B3GALT1: variants seen among roughly 807,000 people sequenced by gnomAD.
B3GALT1 encodes the protein beta-1,3-galactosyltransferase 1.
Under a neutral mutation model 23.2 loss-of-function variants are expected in B3GALT1, and 10 were observed. That is an observed-to-expected ratio of 0.43 (90% CI 0.27 to 0.73). B3GALT1 has a LOEUF of 0.73. Among genes scored for constraint, B3GALT1 ranks in the 30% least tolerant of loss-of-function variants. B3GALT1 has a pLI of 0.21. For missense variants in B3GALT1, 299 were observed against 405.4 expected (o/e 0.74, Z 2.25); for synonymous variants, 156 against 141.5 (o/e 1.10, Z -0.73).
intron 2 of B3GALT1, among the ~76,000 whole-genome samples, chr2:167,565,874 G>A (rs533296804): frequency 1.3e-5 from 2 of 152,020 alleles, no homozygotes; most frequent in Non-Finnish European, 2.9e-5. Context: ...AGGATGTGGA[G>A]AAATAGGAAC....
chr2:167,847,839 T>G (rs895144543), intron 4 of B3GALT1, among the ~76,000 whole-genome samples: 1 of 151,974 alleles, frequency 6.6e-6, no homozygotes, highest in Non-Finnish European at 1.5e-5. Context: ...TGATAGACTA[T>G]TAACAAGATT....
At chr2:167,477,340 C>T (rs924070004) in intron 1 of B3GALT1, among the ~76,000 whole-genome samples, 5 of 152,176 alleles carry the variant, frequency 3.3e-5, no homozygotes, top group African/African-American at 1.2e-4. Flanking sequence ...ATGCCACACC[C>T]TGTGCCTGGC....
At chr2:167,387,050 T>G (rs1697940302) in intron 1 of B3GALT1, among the ~76,000 whole-genome samples, 1 of 149,528 alleles carries the variant, frequency 6.7e-6, no homozygotes, top group African/African-American at 2.6e-5. Context: ...GTAAGGAAAC[T>G]GCCTTGGAAA....
At chr2:167,365,778 C>T (rs1235417850) in intron 1 of B3GALT1, among the ~76,000 whole-genome samples, 1 of 152,004 alleles carries the variant, frequency 6.6e-6, no homozygotes, top group Non-Finnish European at 1.5e-5. Context: ...GAAGACACAC[C>T]TACTGATACA....
At chr2:167,561,559 C>T (rs1408137953) in intron 2 of B3GALT1, among the ~76,000 whole-genome samples, 1 of 151,586 alleles carries the variant, frequency 6.6e-6, no homozygotes, top group Non-Finnish European at 1.5e-5. Context: ...AGACCGCTAG[C>T]AAGACTAATG....
At chr2:167,702,329 T>C (rs999915843) in intron 3 of B3GALT1, among the ~76,000 whole-genome samples, 44 of 152,254 alleles carry the variant, frequency 2.9e-4, no homozygotes, top group African/African-American at 1.1e-3. Flanking sequence ...ATATTATTCC[T>C]GCATTACATT....
At chr2:167,863,786 T>C (rs745552020) in intron 4 of B3GALT1, among the ~76,000 whole-genome samples, 1 of 152,212 alleles carries the variant, frequency 6.6e-6, no homozygotes, top group Non-Finnish European at 1.5e-5. Context: ...TGAGTTCTTA[T>C]TGTCCTTAGC....
chr2:167,716,218 C>T (rs1301034399), intron 3 of B3GALT1, among the ~76,000 whole-genome samples: 1 of 152,220 alleles, frequency 6.6e-6, no homozygotes, highest in Non-Finnish European at 1.5e-5. Flanking sequence ...CTGGGGAATG[C>T]GGGCACCCCC....
Position 167,626,968 on chromosome 2 carries a change from A to G in B3GALT1, c.-409-19941A>G, listed in dbSNP as rs115975838. ...AAACACAAAGCAATTATCACAGTGTATGTTTTCACATTTACACAGTGATTT... is the reference window on the plus strand; with the variant it reads ...AAACACAAAGCAATTATCACAGTGTGTGTTTTCACATTTACACAGTGATTT... On this transcript the variant is annotated intron_variant, in intron 2 of 4. Coordinates refer to ENST00000392690, the MANE Select transcript of B3GALT1 (RefSeq NM_020981.4). Among the ~76,000 whole-genome samples, 1,229 of 151,796 alleles carry G rather than the reference A, an allele frequency of 8.1e-3. 7 individuals carry two copies. The highest frequency in any genetic ancestry group is 0.017 in the South Asian group (80 of 4,818).
chr2:167,794,654 T>C (rs1688511879), intron 3 of B3GALT1, among the ~76,000 whole-genome samples: 1 of 152,346 alleles, frequency 6.6e-6, no homozygotes, highest in East Asian at 1.9e-4. Flanking sequence ...TTTGATGTAA[T>C]AGAAAGGTCA....
At chr2:167,634,950 A>G (rs573479129) in intron 2 of B3GALT1, among the ~76,000 whole-genome samples, 2 of 152,324 alleles carry the variant, frequency 1.3e-5, no homozygotes, top group Admixed American at 1.3e-4. Flanking sequence ...AAAATCCTGT[A>G]TAAAATACTG....
chr2:167,553,955 C>CA (rs1295822186), intron 2 of B3GALT1, among the ~76,000 whole-genome samples: 3 of 151,986 alleles, frequency 2.0e-5, no homozygotes, highest in East Asian at 1.9e-4. Flanking sequence ...GGCAAAATGT[C>CA]AAAAAAATAA....
At chr2:167,359,656 C>T (rs2105261836) in intron 1 of B3GALT1, among the ~76,000 whole-genome samples, 1 of 152,270 alleles carries the variant, frequency 6.6e-6, no homozygotes. Context: ...ATACTTAGCA[C>T]CTTTTTCTTT....
At chr2:167,625,034 C>T (rs946839652) in intron 2 of B3GALT1, among the ~76,000 whole-genome samples, 3 of 152,044 alleles carry the variant, frequency 2.0e-5, no homozygotes, top group South Asian at 2.1e-4. Flanking sequence ...GAGAATAAAT[C>T]TCAGGCATGC....
intron 1 of B3GALT1, among the ~76,000 whole-genome samples, chr2:167,470,980 T>G (rs1330602133): frequency 6.6e-6 from 1 of 152,188 alleles, no homozygotes; most frequent in Non-Finnish European, 1.5e-5. Flanking sequence ...AGCCTAATAT[T>G]TTGTTATGCT....
chr2:167,705,078 T>C (rs1686948018), intron 3 of B3GALT1, among the ~76,000 whole-genome samples: 1 of 152,194 alleles, frequency 6.6e-6, no homozygotes, highest in Admixed American at 6.5e-5. Flanking sequence ...TGTGACCTGC[T>C]TGTGTATTTG....
chr2:167,660,252 C>G (rs940855905), intron 3 of B3GALT1, among the ~76,000 whole-genome samples: 1 of 151,988 alleles, frequency 6.6e-6, no homozygotes, highest in Non-Finnish European at 1.5e-5. Context: ...TAGGAAGTTG[C>G]CTCTAATTGC....
chr2:167,467,831 TATTCATTC>T (rs201530512), intron 1 of B3GALT1, among the ~76,000 whole-genome samples: 1 of 152,224 alleles, frequency 6.6e-6, no homozygotes, highest in East Asian at 1.9e-4. Flanking sequence ...TTGATTCATT[TATTCATTC>T]ATTCATTCAA....
intron 4 of B3GALT1, among the ~76,000 whole-genome samples, chr2:167,821,714 C>T (rs1689111052): frequency 2.0e-5 from 3 of 151,766 alleles, no homozygotes; most frequent in Admixed American, 6.6e-5. Context: ...AGATTACAGG[C>T]GTAAGCCACT....
Sources: allele counts gnomAD v4.1 joint callset (sites outside exome capture counted in the v4.1 genomes callset), GRCh38; gene constraint gnomAD v4.1.1; transcripts MANE v1.5; gene names NCBI Gene and HGNC (gene_info 2026-07-23, HGNC 2026-07-21).